The following ANK3 variants were observed in gnomAD, a reference collection of about 807,000 sequenced individuals.
ANK3 encodes ankyrin 3, also known as ankyrin-3.
In ANK3, 57 loss-of-function variants were observed where a neutral mutation model predicts 370.9. The observed-to-expected ratio is 0.15, with a 90% CI of 0.12 to 0.19. The LOEUF is 0.19. ANK3 is among the 10% of genes least tolerant of loss of function. The pLI is 1.00. For synonymous variants in ANK3, 1,929 were observed against 1,946.3 expected, an observed-to-expected ratio of 0.99 and a Z score of 0.23; for missense variants, 4,439 against 5,302.1, an observed-to-expected ratio of 0.84 and a Z score of 5.06.
At chr10:60,280,746 T>C (rs2098149503) in intron 1 of ANK3, among the ~76,000 whole-genome samples, 1 of 152,190 alleles carries the variant, frequency 6.6e-6, no homozygotes, top group Non-Finnish European at 1.5e-5. Context: ...GGGTATGGCT[T>C]AAAAGAGAAA....
rs531502684 is a variant in ANK3 at position 60,200,075 on chromosome 10, G to A, written c.1491+54C>T. 948 of 1,449,490 alleles carry A rather than the reference G, an allele frequency of 6.5e-4. 32 individuals are homozygous for A. The South Asian group carries it at 0.011, about 16-fold the overall frequency. The allele number at this position is 1,449,490 out of a possible 1,614,324, so 89.8% of individuals were successfully genotyped here. On this transcript the variant is annotated intron_variant, in intron 13 of 43. Coordinates refer to ENST00000280772, the MANE Select transcript of ANK3 (RefSeq NM_020987.5). ...GCATGTATATACTTAAAAGTTTTAT[G>A]AAAATCCAACAGTTTTTCCTCAATT... is the stretch of plus-strand genomic sequence containing the variant.
At chr10:60,677,847 A>G (rs1040363975) in intron 1 of ANK3, among the ~76,000 whole-genome samples, 2 of 151,854 alleles carry the variant, frequency 1.3e-5, no homozygotes, top group Non-Finnish European at 2.9e-5. Flanking sequence ...CCACACTACT[A>G]GCTTTTCCTT....
At chr10:60,571,175 A>G (rs2077588598) in intron 2 of ANK3, among the ~76,000 whole-genome samples, 1 of 151,970 alleles carries the variant, frequency 6.6e-6, no homozygotes, top group Non-Finnish European at 1.5e-5. Flanking sequence ...CAACATCATC[A>G]ACCCTTGCCA....
intron 1 of ANK3, among the ~76,000 whole-genome samples, chr10:60,732,247 TCA>T (rs748512135): frequency 6.6e-6 from 1 of 152,162 alleles, no homozygotes; most frequent in Non-Finnish European, 1.5e-5. Context: ...CCTCACCCTC[TCA>T]TTTGTCTCCC....
intron 1 of ANK3, among the ~76,000 whole-genome samples, chr10:60,347,352 G>A (rs115097598): frequency 0.011 from 1,673 of 151,776 alleles, 36 homozygotes; most frequent in African/African-American, 0.038. Flanking sequence ...ATGAAACTAC[G>A]TAGATAGTAA....
Position 60,069,764 on chromosome 10 carries a change from G to A in ANK3, c.11117C>T (p.Ala3706Val). ...AACTTTAGAGGTGTTAGTGGCTGCT[G>A]CTGATTTCTCCAGGGAGCCACTACT... Reference protein sequence around the residue: ...TSSSGSLEKSAAATNTSKVDP... With the variant: ...TSSSGSLEKSVAATNTSKVDP... Residue 3706 changes from alanine to valine, a missense_variant, in exon 37 of 44, where the codon GCA (alanine) becomes GTA (valine). By Grantham distance (64) the Ala-to-Val change is moderately conservative. Around this residue, in one of 13 missense-constraint regions of ANK3, gnomAD observed 496 missense variants for 529.3 expected, o/e 0.94. Transcript: ENST00000280772. 1 of 1,613,936 alleles carries A rather than the reference G, an allele frequency of 6.2e-7. No individual in the cohort carries two copies. The highest frequency in any genetic ancestry group is 1.7e-5 in the Admixed American group (1 of 59,976).
chr10:60,575,152 A>G (rs1354994568), intron 2 of ANK3, among the ~76,000 whole-genome samples: 1 of 152,244 alleles, frequency 6.6e-6, no homozygotes, highest in Non-Finnish European at 1.5e-5. Context: ...TAAACTATAA[A>G]CGGGTGTTTA....
intron 2 of ANK3, among the ~76,000 whole-genome samples, chr10:60,496,599 A>G (rs1036003451): frequency 6.6e-6 from 1 of 151,780 alleles, no homozygotes; most frequent in Non-Finnish European, 1.5e-5. Flanking sequence ...TTCCATACAA[A>G]CATTAGCTTT....
rs2082384419 is a variant in ANK3, at chr10:60,069,901, T to C, written c.10980A>G (p.Pro3660=). 1.2e-6 allele frequency: 2 copies of C among 1,613,906 alleles called. No homozygotes were observed. Among genetic ancestry groups the C allele is most frequent in the Admixed American group, 1.7e-5 (1 of 59,984 alleles). The part of the protein sequence containing the change: ...DKSMVTATPQ[P]QSGDTTVETN... ...TTTCTACAGTGGTGTCCCCTGACTG[T>C]GGCTGTGGTGTGGCAGTGACCATAC... Residue 3660 remains proline, a synonymous_variant, in exon 37 of 44, where the codon CCA becomes CCG. Coordinates refer to ENST00000280772, the MANE Select transcript of ANK3 (RefSeq NM_020987.5).
At chr10:60,635,397 A>C (rs895593190) in intron 1 of ANK3, among the ~76,000 whole-genome samples, 3 of 152,172 alleles carry the variant, frequency 2.0e-5, no homozygotes, top group African/African-American at 7.2e-5. Context: ...TGAGAGCAGC[A>C]AACATGCCTA....
intron 1 of ANK3, among the ~76,000 whole-genome samples, chr10:60,293,069 T>C (rs913217635): frequency 2.0e-5 from 3 of 152,190 alleles, no homozygotes; most frequent in African/African-American, 7.2e-5. Context: ...TTCATCTAGC[T>C]CATCTGTCTC....
intron 7 of ANK3, among the ~76,000 whole-genome samples, chr10:60,240,555 C>T (rs112631580): frequency 9.4e-4 from 142 of 151,720 alleles, no homozygotes; most frequent in African/African-American, 3.3e-3. Flanking sequence ...CCACCTGCCT[C>T]GGCCTCCCAA....
At chr10:60,637,018 A>T (rs1567193531) in intron 1 of ANK3, among the ~76,000 whole-genome samples, 1 of 152,168 alleles carries the variant, frequency 6.6e-6, no homozygotes, top group Non-Finnish European at 1.5e-5. Flanking sequence ...TTCCTACTAC[A>T]TTCTCACTCC....
At chr10:60,064,675 A>ACAACAG (rs34159176) in intron 38 of ANK3, among the ~76,000 whole-genome samples, 44,790 of 138,430 alleles carry the variant, frequency 0.32, 7,387 homozygotes, top group East Asian at 0.59. Context: ...ACACACAGCA[A>ACAACAG]CAACAACAAC....
intron 2 of ANK3, among the ~76,000 whole-genome samples, chr10:60,495,278 T>C (rs1377016969): frequency 1.3e-5 from 2 of 152,186 alleles, no homozygotes; most frequent in African/African-American, 2.4e-5. Flanking sequence ...CATGCTATAG[T>C]TCTAGAATGC....
chr10:60,053,235 G>T (rs531818574), intron 42 of ANK3, among the ~76,000 whole-genome samples: 80 of 152,196 alleles, frequency 5.3e-4, no homozygotes, highest in Non-Finnish European at 9.8e-4. Flanking sequence ...CGAAAGAAAA[G>T]AATTATTAGC....
At chr10:60,687,775 C>A (rs1247722285) in intron 1 of ANK3, among the ~76,000 whole-genome samples, 1 of 152,140 alleles carries the variant, frequency 6.6e-6, no homozygotes, top group Non-Finnish European at 1.5e-5. Context: ...ATGTTCACTG[C>A]AAACTATTCA....
chr10:60,168,371 A>T (rs1006770017), intron 21 of ANK3, among the ~76,000 whole-genome samples: 3 of 152,162 alleles, frequency 2.0e-5, no homozygotes, highest in Non-Finnish European at 2.9e-5. Flanking sequence ...ACAATTAATG[A>T]ATCAACATTG....
chr10:60,473,966 C>CAAAAA (rs139841930), intron 2 of ANK3, among the ~76,000 whole-genome samples: 14 of 92,638 alleles, frequency 1.5e-4, no homozygotes, highest in East Asian at 6.4e-4. Context: ...CCTGTTTCTA[C>CAAAAA]AAAAAAAAAA....
Sources: allele counts gnomAD v4.1 joint callset (sites outside exome capture counted in the v4.1 genomes callset), GRCh38; gene constraint gnomAD v4.1.1; regional missense constraint gnomAD v4.1.1; transcripts MANE v1.5; gene names NCBI Gene and HGNC (gene_info 2026-07-23, HGNC 2026-07-21).